ASTN2: variants seen among roughly 807,000 people sequenced by gnomAD.
ASTN2 encodes the protein astrotactin 2.
ASTN2 carries 54 observed loss-of-function variants against 139.8 expected under a neutral mutation model. The ratio of observed to expected loss-of-function variants is 0.39; its 90% confidence interval spans 0.31 to 0.48. ASTN2 has a LOEUF of 0.48. Ranked by LOEUF, ASTN2 falls within the 20% of genes least tolerant of loss-of-function variation. ASTN2 has a pLI of 0.95. For synonymous variants in ASTN2, 756 were observed against 719.5 expected, an observed-to-expected ratio of 1.05 and a Z score of -0.81; for missense variants, 1,565 against 1,725.1, an observed-to-expected ratio of 0.91 and a Z score of 1.64.
At chr9:117,256,377 C>A (rs578075477) in intron 2 of ASTN2, among the ~76,000 whole-genome samples, 1 of 152,158 alleles carries the variant, frequency 6.6e-6, no homozygotes, top group African/African-American at 2.4e-5. Context: ...AATAAAGGGA[C>A]CTAGTGTTTA....
intron 13 of ASTN2, among the ~76,000 whole-genome samples, chr9:116,800,508 GT>G (rs1830819065): frequency 6.6e-6 from 1 of 152,134 alleles, no homozygotes; most frequent in Non-Finnish European, 1.5e-5. Context: ...ACCTGAAGAG[GT>G]AGCTCCCCAT....
chr9:117,027,988 T>C (rs1192285270), intron 6 of ASTN2, among the ~76,000 whole-genome samples: 1 of 152,146 alleles, frequency 6.6e-6, no homozygotes, highest in East Asian at 1.9e-4. Flanking sequence ...CCATAATTAG[T>C]AAGTGGAGGA....
intron 11 of ASTN2, among the ~76,000 whole-genome samples, chr9:116,842,746 G>T (rs1182483822): frequency 7.0e-6 from 1 of 142,012 alleles, no homozygotes; most frequent in Non-Finnish European, 1.5e-5. Flanking sequence ...GTGGGGTGGG[G>T]CGGGGGGAGG....
chr9:117,252,269 A>C (rs1192504351), intron 2 of ASTN2, among the ~76,000 whole-genome samples: 1 of 152,232 alleles, frequency 6.6e-6, no homozygotes, highest in Non-Finnish European at 1.5e-5. Flanking sequence ...GTGCATATGC[A>C]TGCTTATCTG....
intron 10 of ASTN2, among the ~76,000 whole-genome samples, chr9:116,967,582 T>G (rs1836049813): frequency 6.6e-6 from 1 of 152,228 alleles, no homozygotes; most frequent in South Asian, 2.1e-4. Context: ...CTACAATGTG[T>G]GCACACATAT....
At chr9:116,979,914 C>T (rs1022276573) in intron 7 of ASTN2, among the ~76,000 whole-genome samples, 3 of 152,172 alleles carry the variant, frequency 2.0e-5, no homozygotes, top group Non-Finnish European at 4.4e-5. Flanking sequence ...AAAAAGGGTG[C>T]TGCTATGTTT....
chr9:116,610,179 ATGG>A (rs1374267144), intron 19 of ASTN2, among the ~76,000 whole-genome samples: 3 of 152,250 alleles, frequency 2.0e-5, no homozygotes, highest in African/African-American at 7.2e-5. Flanking sequence ...TTAAATATAA[ATGG>A]TCTAAACACC....
intron 19 of ASTN2, among the ~76,000 whole-genome samples, chr9:116,529,590 A>G (rs977811256): frequency 6.6e-5 from 10 of 152,072 alleles, no homozygotes; most frequent in Admixed American, 2.0e-4. Flanking sequence ...GGGAGGGGCC[A>G]GGGGCAAAAT....
At chr9:116,459,542 A>AAGT (rs1206974076) in intron 20 of ASTN2, among the ~76,000 whole-genome samples, 2 of 152,084 alleles carry the variant, frequency 1.3e-5, no homozygotes, top group African/African-American at 2.4e-5. Context: ...AGAATATATA[A>AAGT]AGTAGCATTA....
chr9:116,681,651 A>T (rs1859873874), intron 16 of ASTN2, among the ~76,000 whole-genome samples: 1 of 152,164 alleles, frequency 6.6e-6, no homozygotes, highest in Admixed American at 6.5e-5. Flanking sequence ...TAACCAAAAC[A>T]GCATGGTACT....
rs542164879 is a variant in ASTN2 at position 117,188,249 on chromosome 9, C to G, written c.1015+26109G>C. 5.3e-5 allele frequency among the ~76,000 whole-genome samples: 8 copies of G among 151,702 alleles called. 1 individual carries two copies. The South Asian group carries it at 1.0e-3, about 20-fold the overall frequency. On this transcript the variant is annotated intron_variant, in intron 3 of 22. Transcript: ENST00000313400. ...CGATCCTGGTTGAAAGTGACTAGTT[C>G]AAGACATCAATATGTCGAAATTAGT...
intron 19 of ASTN2, among the ~76,000 whole-genome samples, chr9:116,616,525 C>T (rs567621026): frequency 6.6e-6 from 1 of 152,278 alleles, no homozygotes; most frequent in African/African-American, 2.4e-5. Context: ...GTTTATGGGA[C>T]TTCAGGAAAG....
chr9:117,248,793 G>A (rs1289557517), intron 2 of ASTN2, among the ~76,000 whole-genome samples: 1 of 152,196 alleles, frequency 6.6e-6, no homozygotes. Flanking sequence ...TGTAGGAGAT[G>A]GTGCCAATCA....
chr9:116,980,097 G>A (rs909520218), intron 7 of ASTN2, among the ~76,000 whole-genome samples: 2 of 152,150 alleles, frequency 1.3e-5, no homozygotes, highest in African/African-American at 4.8e-5. Context: ...AAAAGCCCCC[G>A]AGTGCTAGCA....
At chr9:117,402,787 G>A (rs1830872317) in intron 1 of ASTN2, among the ~76,000 whole-genome samples, 1 of 152,028 alleles carries the variant, frequency 6.6e-6, no homozygotes, top group African/African-American at 2.4e-5. Flanking sequence ...GGGGTGGGGT[G>A]GTGGTGGTGG....
intron 6 of ASTN2, among the ~76,000 whole-genome samples, chr9:117,011,692 AT>A (rs1243210779): frequency 6.6e-6 from 1 of 152,208 alleles, no homozygotes; most frequent in Non-Finnish European, 1.5e-5. Context: ...TGTGATATGT[AT>A]TCTGCTCATT....
chr9:116,864,105 T>A (rs1294663960), intron 10 of ASTN2, among the ~76,000 whole-genome samples: 1 of 152,106 alleles, frequency 6.6e-6, no homozygotes, highest in Non-Finnish European at 1.5e-5. Context: ...TCCAGCTGAG[T>A]CCAAAGAGAA....
chr9:116,814,038 GAA>G (rs1331893512), intron 12 of ASTN2, among the ~76,000 whole-genome samples: 2 of 88,006 alleles, frequency 2.3e-5, no homozygotes, highest in African/African-American at 3.7e-5. Context: ...TCTGTCTCAA[GAA>G]AAAAAAAAAA....
chr9:116,900,499 T>C (rs1315219211), intron 10 of ASTN2, among the ~76,000 whole-genome samples: 4 of 152,212 alleles, frequency 2.6e-5, no homozygotes, highest in East Asian at 1.9e-4. Context: ...GGATTTTTTC[T>C]TATTGAGAGC....
Sources: allele counts gnomAD v4.1 joint callset (sites outside exome capture counted in the v4.1 genomes callset), GRCh38; gene constraint gnomAD v4.1.1; transcripts MANE v1.5; gene names NCBI Gene and HGNC (gene_info 2026-07-23, HGNC 2026-07-21).